Variants in CACNB2 observed in about 807,000 individuals in gnomAD.
CACNB2 encodes the protein calcium voltage-gated channel auxiliary subunit beta 2, also known as voltage-dependent L-type calcium channel subunit beta-2.
CACNB2 carries 42 observed loss-of-function variants against 73.3 expected under a neutral mutation model. The observed-to-expected ratio is 0.57, with a 90% CI of 0.45 to 0.74. CACNB2 has a LOEUF of 0.74. Ranked by LOEUF, CACNB2 falls within the 30% of genes least tolerant of loss-of-function variation. The pLI is 0.00. For missense variants in CACNB2, 940 were observed against 853.0 expected (o/e 1.10, Z -1.27); for synonymous variants, 348 against 310.3 (o/e 1.12, Z -1.28).
At chr10:18,146,681 T>G (rs1244740421) in intron 1 of CACNB2, among the ~76,000 whole-genome samples, 1 of 152,126 alleles carries the variant, frequency 6.6e-6, no homozygotes, top group Non-Finnish European at 1.5e-5. Flanking sequence ...GGTTTCACCA[T>G]GTTGGTCACA....
At chr10:18,379,789 C>T (rs780792324) in intron 2 of CACNB2, among the ~76,000 whole-genome samples, 6 of 152,142 alleles carry the variant, frequency 3.9e-5, no homozygotes, top group Admixed American at 1.3e-4. Context: ...CAGTCTCAAA[C>T]GATTATCCCA....
At chr10:18,271,540 G>T (rs886119801) in intron 2 of CACNB2, among the ~76,000 whole-genome samples, 5 of 152,152 alleles carry the variant, frequency 3.3e-5, no homozygotes, top group African/African-American at 1.2e-4. Context: ...GGGCTTTAAT[G>T]GCTATATGTA....
chr10:18,425,064 T>C (rs141143204), intron 3 of CACNB2, among the ~76,000 whole-genome samples: 30 of 152,380 alleles, frequency 2.0e-4, no homozygotes, highest in Admixed American at 8.5e-4. Flanking sequence ...ATACTATCAC[T>C]GTAGGAGAGT....
intron 3 of CACNB2, among the ~76,000 whole-genome samples, chr10:18,456,781 T>C (rs2132647034): frequency 6.6e-6 from 1 of 152,374 alleles, no homozygotes; most frequent in East Asian, 1.9e-4. Flanking sequence ...CTTAGGATAA[T>C]GTCCTCAGAG....
At chr10:18,212,514 T>C (rs2035357948) in intron 2 of CACNB2, among the ~76,000 whole-genome samples, 1 of 152,196 alleles carries the variant, frequency 6.6e-6, no homozygotes. Context: ...GTTGTGATGT[T>C]GTCAACTTGA....
chr10:18,441,900 C>T (rs546494751), intron 3 of CACNB2, among the ~76,000 whole-genome samples: 4 of 152,324 alleles, frequency 2.6e-5, no homozygotes, highest in East Asian at 1.9e-4. Flanking sequence ...GGATTACAGG[C>T]GTTAGTCACC....
chr10:18,288,632 A>G lies in CACNB2; in HGVS notation c.214-113292A>G, dbSNP rs184062809. Among the ~76,000 whole-genome samples the G allele has an allele frequency of 3.5e-3, 525 of 151,508 alleles. 3 individuals carry two copies. The highest frequency in any genetic ancestry group is 0.012 in the African/African-American group (495 of 41,182). On this transcript the variant is annotated intron_variant, in intron 2 of 13. Transcript: ENST00000324631. ...ACTGTATTCCCTGAGGAGAAAAAAC[A>G]TAGTTTTTAGGCAACTATAGCAAGA...
chr10:18,233,116 A>G (rs1201038638), intron 2 of CACNB2, among the ~76,000 whole-genome samples: 10 of 152,190 alleles, frequency 6.6e-5, no homozygotes, highest in Non-Finnish European at 1.5e-4. Context: ...AGCTTGAGAA[A>G]AAACATAGAT....
intron 7 of CACNB2, 39 bp downstream of exon 7, chr10:18,514,408 A>C (rs764545759): frequency 1.2e-5 from 20 of 1,613,914 alleles, no homozygotes; most frequent in Non-Finnish European, 1.4e-5. Context: ...CCACCTGCTC[A>C]ACTGCACTGC....
Position 18,538,334 on chromosome 10 carries a change from C to G in CACNB2, c.1457C>G (p.Pro486Arg), listed in dbSNP as rs1276510070. ...LSRTLATSSL[P>R]LSPTLASNSQ... ...CGTACATTAGCCACTTCAAGTCTGCCTCTTAGCCCCACCCTAGCCTCTAAT... is the reference window on the plus strand; with the variant it reads ...CGTACATTAGCCACTTCAAGTCTGCGTCTTAGCCCCACCCTAGCCTCTAAT... The change falls in exon 13 of 14, where the codon CCT (proline) becomes CGT (arginine). Residue 486 changes from proline (P) to arginine (R), a missense_variant. Coordinates refer to ENST00000324631, the MANE Select transcript of CACNB2 (RefSeq NM_201596.3). The G allele has an allele frequency of 6.2e-7, 1 of 1,614,134 alleles. No individual in the cohort carries two copies. Among genetic ancestry groups the G allele is most frequent in the Non-Finnish European group, 8.5e-7 (1 of 1,179,994 alleles).
At chr10:18,499,938 TC>T (rs1244523510) in intron 4 of CACNB2, among the ~76,000 whole-genome samples, 1 of 151,816 alleles carries the variant, frequency 6.6e-6, no homozygotes, top group Non-Finnish European at 1.5e-5. Context: ...GTCACTGCAC[TC>T]CAGCCTGGGC....
At chr10:18,142,305 T>C (rs2030497486) in intron 1 of CACNB2, among the ~76,000 whole-genome samples, 1 of 152,228 alleles carries the variant, frequency 6.6e-6, no homozygotes, top group African/African-American at 2.4e-5. Flanking sequence ...AACAGCTAGA[T>C]TTTGGTCCAC....
chr10:18,379,606 C>T (rs114983392), intron 2 of CACNB2, among the ~76,000 whole-genome samples: 4,758 of 152,180 alleles, frequency 0.031, 265 homozygotes, highest in African/African-American at 0.11. Flanking sequence ...AGAACATTTT[C>T]GTCTTTCCTG....
intron 3 of CACNB2, among the ~76,000 whole-genome samples, chr10:18,482,278 A>G (rs2048821492): frequency 6.6e-6 from 1 of 152,202 alleles, no homozygotes; most frequent in Non-Finnish European, 1.5e-5. Flanking sequence ...AAATTAAGGC[A>G]GTTATTAATT....
chr10:18,416,985 A>G (rs2045007178), intron 3 of CACNB2, among the ~76,000 whole-genome samples: 1 of 151,426 alleles, frequency 6.6e-6, no homozygotes, highest in African/African-American at 2.4e-5. Context: ...CACCTCATCA[A>G]GGAGCTGCTT....
In CACNB2 at chr10:18,209,617, T is replaced by C. The variant is rs1477624954; in HGVS notation, c.213+58642T>C. Among the ~76,000 whole-genome samples, 3 of 151,966 alleles carry C rather than the reference T, an allele frequency of 2.0e-5. No individual in the cohort carries two copies. The East Asian group carries it at 5.8e-4, about 29-fold the overall frequency. ...TATGTGTTGCTGGTTTGGGAAGAAT[T>C]GACTATATTAGCTATTGATTTTTTT... On this transcript the variant is annotated intron_variant, in intron 2 of 13. Transcript: ENST00000324631.
chr10:18,378,440 G>C lies in CACNB2; in HGVS notation c.214-23484G>C, dbSNP rs570587522. The stretch of plus-strand genomic sequence containing the variant: ...ACAAAATATGTACGTCAATTAATCA[G>C]AGCTGTAATTATTAGACTCCACAGT... On this transcript the variant is annotated intron_variant, in intron 2 of 13. Transcript: ENST00000324631. Among the ~76,000 whole-genome samples, 3 of 152,242 alleles carry C rather than the reference G, an allele frequency of 2.0e-5. No individual in the cohort carries two copies. In the South Asian group the frequency reaches 6.2e-4, roughly 32 times the overall value.
intron 2 of CACNB2, among the ~76,000 whole-genome samples, chr10:18,363,551 A>T (rs997638325): frequency 6.6e-6 from 1 of 152,174 alleles, no homozygotes; most frequent in Non-Finnish European, 1.5e-5. Flanking sequence ...GTTCAGCATG[A>T]AACTACCAGT....
chr10:18,444,303 T>G (rs1193914179), intron 3 of CACNB2, among the ~76,000 whole-genome samples: 4 of 152,152 alleles, frequency 2.6e-5, no homozygotes, highest in Non-Finnish European at 5.9e-5. Flanking sequence ...TTCTTTCCAC[T>G]GAGGACAGTC....
Sources: gnomAD v4.1 joint callset for allele counts (sites outside exome capture counted in the v4.1 genomes callset) on GRCh38, gnomAD v4.1.1 for gene constraint, MANE v1.5 for transcripts, NCBI Gene and HGNC (gene_info 2026-07-23, HGNC 2026-07-21) for gene names.